Variants in TRPM7 observed in about 807,000 individuals in gnomAD.
TRPM7 encodes LTRPC ion channel family member 7.
In TRPM7, 134 loss-of-function variants were observed where a neutral mutation model predicts 229.7. The ratio of observed to expected loss-of-function variants is 0.58; its 90% confidence interval spans 0.51 to 0.67. The LOEUF (loss-of-function observed/expected upper bound fraction) is 0.67, where lower values mean the gene tolerates loss of function less well. Among genes scored for constraint, TRPM7 ranks in the 30% least tolerant of loss-of-function variants. The pLI is 0.00. For missense variants in TRPM7, 1,901 were observed against 2,210.0 expected, an observed-to-expected ratio of 0.86 and a Z score of 2.80; for synonymous variants, 699 against 715.2, an observed-to-expected ratio of 0.98 and a Z score of 0.36.
chr15:50,647,199 C>T (rs969929069), intron 4 of TRPM7, among the ~76,000 whole-genome samples: 4 of 152,134 alleles, frequency 2.6e-5, no homozygotes, highest in South Asian at 2.1e-4. Flanking sequence ...GGCGCGATCT[C>T]GGTTCACTGC....
chr15:50,620,227 C>T (rs1020616424), intron 12 of TRPM7, among the ~76,000 whole-genome samples: 3 of 152,034 alleles, frequency 2.0e-5, no homozygotes, highest in South Asian at 2.1e-4. Context: ...GGGCTGCATG[C>T]AGCCCAAGAT....
At chr15:50,580,559 T>C (rs1356273205) in intron 30 of TRPM7, among the ~76,000 whole-genome samples, 5 of 152,146 alleles carry the variant, frequency 3.3e-5, no homozygotes, top group African/African-American at 1.2e-4. Context: ...TCAAACTAGG[T>C]CTCTCAACAA....
At position 50,614,063 on chromosome 15, in the gene TRPM7, T is replaced by C; in HGVS notation, c.1635+60A>G. ...CCGTTCTAATGTTAATTCTTAACAA[T>C]TAAAGTGCATGTGTTAATATTAAAG... On this transcript the variant is annotated intron_variant, in intron 14 of 38. Coordinates refer to ENST00000646667, the MANE Select transcript of TRPM7 (RefSeq NM_017672.6). 19 of 1,468,508 alleles carry C rather than the reference T, an allele frequency of 1.3e-5. 1 individual carries two copies. Among genetic ancestry groups the C allele is most frequent in the Non-Finnish European group, 1.7e-5 (18 of 1,083,800 alleles). 91.0% of individuals were successfully genotyped at this position (1,468,508 alleles called of 1,614,324 possible). A position where few individuals can be genotyped will look rare whatever the true frequency, so the allele number is the denominator to read the frequency against.
At chr15:50,679,538 A>T (rs962045139) in intron 1 of TRPM7, among the ~76,000 whole-genome samples, 16,028 of 42,760 alleles carry the variant, frequency 0.37, 2,131 homozygotes, top group Non-Finnish European at 0.42. Context: ...ATATATATAT[A>T]TTTTTTTTTT....
Position 50,684,656 on chromosome 15 carries a change from G to GA in TRPM7, c.3+1874dup, listed in dbSNP as rs931910258. The stretch of plus-strand genomic sequence containing the variant: ...CTCGGTCTCAAACAAAAAGAAAAAA[G>GA]AAAAAAAAATACAGAGGAGAAAGAA... On this transcript the variant is annotated intron_variant, in intron 1 of 38. Transcript: ENST00000646667. 2.3e-4 allele frequency among the ~76,000 whole-genome samples: 35 copies of GA among 149,548 alleles called. 1 individual carries two copies. Among genetic ancestry groups the GA allele is most frequent in the Admixed American group, 1.7e-3 (25 of 15,030 alleles).
intron 1 of TRPM7, among the ~76,000 whole-genome samples, chr15:50,667,251 G>A (rs956899692): frequency 1.3e-5 from 2 of 152,150 alleles, no homozygotes; most frequent in African/African-American, 2.4e-5. Flanking sequence ...GAAACTGAAC[G>A]CTTTCCTCGC....
chr15:50,582,896 A>C, intron 29 of TRPM7, 193 bp downstream of exon 29: 1 of 358,970 alleles, frequency 2.8e-6, no homozygotes, highest in Non-Finnish European at 5.1e-6. Flanking sequence ...TTCTGCATAA[A>C]TTTTTCTTTA....
Position 50,631,459 on chromosome 15 carries a change from G to A in TRPM7, c.1162C>T (p.His388Tyr). The A allele has an allele frequency of 6.2e-7, 1 of 1,609,754 alleles. No homozygotes were observed. Among genetic ancestry groups the A allele is most frequent in the Non-Finnish European group, 8.5e-7 (1 of 1,176,900 alleles). Residue 388 changes from histidine (H) to tyrosine (Y), a missense_variant, in exon 10 of 39, where the codon CAT becomes TAT. His to Tyr is a moderately conservative substitution (Grantham distance 83). This residue lies in a region of TRPM7 where 794 missense variants were observed against 881.9 expected (regional missense o/e 0.90). Coordinates refer to ENST00000646667, the MANE Select transcript of TRPM7 (RefSeq NM_017672.6). The part of the protein sequence containing the change: ...ITVFHIGSDE[H>Y]QDIDVAILTA... ...AGTATTGCTACATCTATATCTTGAT[G>A]TTCATCTGACCCAATATGGAAAACA...
chr15:50,639,494 C>G lies in TRPM7; in HGVS notation c.590G>C (p.Arg197Pro), dbSNP rs767402614. Residue 197 changes from arginine (R) to proline (P), a missense_variant, in exon 6 of 39, where the codon CGA becomes CCA. Transcript: ENST00000646667. ...AGCTATTCCGATAGTGCAAATCTTT[C>G]GAGATGATCTGGAAGCATGTTCTTT... ...ALKEHASRSS[R>P]KICTIGIAPW... 4 of 1,612,152 alleles carry G rather than the reference C, an allele frequency of 2.5e-6. No homozygotes were observed. The African/African-American group carries it at 5.3e-5, about 21-fold the overall frequency.
chr15:50,593,472 T>C (rs2059556132), intron 25 of TRPM7, 145 bp downstream of exon 25: 2 of 846,522 alleles, frequency 2.4e-6, no homozygotes, highest in African/African-American at 1.7e-5. Flanking sequence ...TTAATAGAAC[T>C]GAACGATCTT....
rs2053176822 is a variant in TRPM7, at chr15:50,557,362, GA to G, written c.*4315del. On this transcript the variant is annotated 3_prime_UTR_variant, in exon 39 of 39. Coordinates refer to ENST00000646667, the MANE Select transcript of TRPM7 (RefSeq NM_017672.6). ...GGTATTGGGTGCTACTCAATCCAGT[GA>G]AGTCTTGAGGGTCCCTTCCCTCTGT... 7.7e-6 allele frequency: 1 copy of G among 130,322 alleles called. No individual in the cohort carries two copies. The highest frequency in any genetic ancestry group is 7.5e-5 in the Admixed American group (1 of 13,358). 8.1% of individuals were successfully genotyped at this position (130,322 alleles called of 1,614,324 possible).
chr15:50,623,861 A>C (rs2140577189), intron 12 of TRPM7, among the ~76,000 whole-genome samples: 1 of 152,268 alleles, frequency 6.6e-6, no homozygotes, highest in South Asian at 2.1e-4. Context: ...CAAAAGAAAC[A>C]TAATCACCCT....
chr15:50,625,740 A>AT (rs2060540106), intron 11 of TRPM7, among the ~76,000 whole-genome samples: 1 of 152,194 alleles, frequency 6.6e-6, no homozygotes, highest in African/African-American at 2.4e-5. Flanking sequence ...TGCCTTTTAC[A>AT]TGATGGAATT....
rs199732064 is a variant in TRPM7 at position 50,592,151 on chromosome 15, G to A, written c.4084C>T (p.Pro1362Ser). The change falls in exon 26 of 39, where the codon CCT (proline) becomes TCT (serine). Residue 1362 changes from proline to serine, a missense_variant. Pro to Ser is a moderately conservative substitution (Grantham distance 74). Transcript: ENST00000646667. The stretch of plus-strand genomic sequence containing the variant: ...TGTAGTCTCTGTCGCAGTTCTGGAG[G>A]GGAAACAGCACTTGGGAATAAGGCA... Reference protein sequence around the residue: ...SGALFPSAVSPPELRQRLHGV... With the variant: ...SGALFPSAVSSPELRQRLHGV... 1,245 of 1,613,658 alleles carry A rather than the reference G, an allele frequency of 7.7e-4. No homozygotes were observed. Among genetic ancestry groups the A allele is most frequent in the Non-Finnish European group, 1.0e-3 (1,192 of 1,179,902 alleles).
intron 13 of TRPM7, among the ~76,000 whole-genome samples, chr15:50,618,010 T>A (rs1053942483): frequency 6.6e-6 from 1 of 152,064 alleles, no homozygotes; most frequent in African/African-American, 2.4e-5. Context: ...AAAGCTGAAA[T>A]AAATAAATAA....
intron 3 of TRPM7, among the ~76,000 whole-genome samples, chr15:50,652,855 G>C (rs939927926): frequency 2.0e-5 from 3 of 152,026 alleles, no homozygotes; most frequent in Non-Finnish European, 2.9e-5. Flanking sequence ...AAAAGGCAAA[G>C]CATTAGCATT....
chr15:50,668,626 G>C (rs2061932241), intron 1 of TRPM7, among the ~76,000 whole-genome samples: 1 of 152,128 alleles, frequency 6.6e-6, no homozygotes, highest in African/African-American at 2.4e-5. Context: ...TCCTGCCTCA[G>C]CCTCCCAAGT....
At chr15:50,637,626 AG>A in intron 6 of TRPM7, 33 bp from the exon 7 acceptor site, 2 of 1,578,654 alleles carry the variant, frequency 1.3e-6, no homozygotes, top group Non-Finnish European at 8.6e-7. Context: ...GTTAGTGAGC[AG>A]GATTAAATAC....
intron 38 of TRPM7, among the ~76,000 whole-genome samples, chr15:50,565,599 GA>G (rs2053563579): frequency 6.6e-6 from 1 of 152,052 alleles, no homozygotes; most frequent in Non-Finnish European, 1.5e-5. Flanking sequence ...ACACATGAAG[GA>G]AAAACTGACA....
Sources: gnomAD v4.1 joint callset for allele counts (sites outside exome capture counted in the v4.1 genomes callset) on GRCh38, gnomAD v4.1.1 for gene constraint, gnomAD v4.1.1 regional missense constraint, MANE v1.5 for transcripts, NCBI Gene and HGNC (gene_info 2026-07-23, HGNC 2026-07-21) for gene names.